The following PRKX variants were observed in gnomAD, a reference collection of about 807,000 sequenced individuals.
PRKX encodes protein kinase cAMP-dependent X-linked catalytic subunit.
A neutral mutation model predicts 22.0 loss-of-function variants in PRKX; 12 were observed. The observed-to-expected ratio is 0.54, with a 90% CI of 0.35 to 0.88. PRKX has a LOEUF of 0.88. Ranked by LOEUF, PRKX falls within the 40% of genes least tolerant of loss-of-function variation. PRKX has a pLI of 0.01. For missense variants in PRKX, 217 were observed against 308.0 expected, an observed-to-expected ratio of 0.70 and a Z score of 2.21; for synonymous variants, 134 against 137.7, an observed-to-expected ratio of 0.97 and a Z score of 0.19.
chrX:3,622,935 C>CCTTA (rs1375425591), intron 5 of PRKX, among the ~76,000 whole-genome samples: 3 of 111,999 alleles, frequency 2.7e-5, no homozygotes, highest in Non-Finnish European at 5.6e-5. Flanking sequence ...CTGCCTGCCC[C>CCTTA]CTTACCACAC....
chrX:3,689,597 T>C (rs1004735257), intron 1 of PRKX, among the ~76,000 whole-genome samples: 13 of 111,987 alleles, frequency 1.2e-4, no homozygotes, highest in African/African-American at 4.2e-4. Flanking sequence ...GGAGGATCAC[T>C]TGAGCCCAGG....
At chrX:3,609,158 G>GT (rs892083553) in intron 8 of PRKX, among the ~76,000 whole-genome samples, 1 of 110,758 alleles carries the variant, frequency 9.0e-6, no homozygotes, top group Admixed American at 9.6e-5. Flanking sequence ...AAGGTAAGGG[G>GT]TTTTTTTGGT....
chrX:3,648,804 C>A (rs1927250166), intron 3 of PRKX, among the ~76,000 whole-genome samples: 1 of 110,163 alleles, frequency 9.1e-6, no homozygotes. Flanking sequence ...TTGCACCTGG[C>A]ATGGTGGCTC....
At chrX:3,703,668 TG>T (rs1404435890) in intron 1 of PRKX, among the ~76,000 whole-genome samples, 1,522 of 88,022 alleles carry the variant, frequency 0.017, 35 homozygotes, top group African/African-American at 0.067. Flanking sequence ...TTTTTTTGGT[TG>T]TTTTTTTTTT....
intron 1 of PRKX, among the ~76,000 whole-genome samples, chrX:3,689,714 A>T (rs1304729785): frequency 3.6e-5 from 4 of 111,853 alleles, no homozygotes; most frequent in Non-Finnish European, 3.8e-5. Flanking sequence ...GCGGTGGCTC[A>T]CACCTGTAAT....
intron 3 of PRKX, among the ~76,000 whole-genome samples, chrX:3,647,412 T>A (rs1268280881): frequency 1.9e-5 from 2 of 105,859 alleles, no homozygotes; most frequent in African/African-American, 3.4e-5. Flanking sequence ...AATTATTTTT[T>A]AAATATAATT....
chrX:3,712,442 CAG>C (rs991112586), intron 1 of PRKX, among the ~76,000 whole-genome samples: 3 of 111,500 alleles, frequency 2.7e-5, no homozygotes, highest in African/African-American at 9.8e-5. Flanking sequence ...AGTTCAAAGA[CAG>C]AGGACAAAGG....
chrX:3,687,906 G>A (rs1409311050), intron 1 of PRKX, among the ~76,000 whole-genome samples: 1 of 111,837 alleles, frequency 8.9e-6, no homozygotes, highest in Non-Finnish European at 1.9e-5. Context: ...TGGCTACATG[G>A]AAAATACACT....
intron 1 of PRKX, among the ~76,000 whole-genome samples, chrX:3,686,670 G>A (rs1255932379): frequency 9.1e-6 from 1 of 109,338 alleles, no homozygotes; most frequent in Non-Finnish European, 1.9e-5. Context: ...CGATTTTTCT[G>A]CCTCAGCCTC....
At position 3,702,940 on chromosome X, in the gene PRKX, C is replaced by T. The variant is rs568185041; in HGVS notation, c.166+10148G>A. On this transcript the variant is annotated intron_variant, in intron 1 of 8. Transcript: ENST00000262848. The stretch of plus-strand genomic sequence containing the variant: ...CAAACGTCTGGACTCAAGTGATCCT[C>T]TCACCCTGGCCTTCCAAAGTGCTGG... 2.2e-4 allele frequency among the ~76,000 whole-genome samples: 24 copies of T among 110,654 alleles called. No individual in the cohort carries two copies. In the South Asian group the frequency reaches 8.7e-3, roughly 40 times the overall value.
At chrX:3,651,595 C>T (rs997635341) in intron 3 of PRKX, among the ~76,000 whole-genome samples, 3 of 111,435 alleles carry the variant, frequency 2.7e-5, no homozygotes, top group Non-Finnish European at 3.8e-5. Flanking sequence ...TGAATGTAAA[C>T]GCATCATAAA....
At chrX:3,609,396 G>A (rs780370192) in intron 8 of PRKX, among the ~76,000 whole-genome samples, 3 of 111,592 alleles carry the variant, frequency 2.7e-5, no homozygotes, top group Non-Finnish European at 5.7e-5. Flanking sequence ...CCTGACCTCA[G>A]ATGATCCATG....
intron 8 of PRKX, among the ~76,000 whole-genome samples, chrX:3,610,092 G>A (rs1166225059): frequency 1.8e-5 from 2 of 112,053 alleles, no homozygotes; most frequent in Admixed American, 1.9e-4. Context: ...ATATCTTCCT[G>A]CATAAAATTC....
intron 1 of PRKX, among the ~76,000 whole-genome samples, chrX:3,707,520 C>T (rs73440592): frequency 0.062 from 6,888 of 111,218 alleles, 440 homozygotes; most frequent in African/African-American, 0.2. Flanking sequence ...GTGCCAGCAG[C>T]GGAGGCAGGC....
intron 3 of PRKX, among the ~76,000 whole-genome samples, chrX:3,653,350 G>A (rs755616605): frequency 3.4e-4 from 37 of 109,924 alleles, no homozygotes; most frequent in African/African-American, 5.0e-4. Context: ...CCTCGATCTC[G>A]GACTTCCAGC....
chrX:3,672,231 G>A (rs1190978835), intron 2 of PRKX, among the ~76,000 whole-genome samples: 11 of 108,819 alleles, frequency 1.0e-4, no homozygotes, highest in Non-Finnish European at 2.1e-4. Flanking sequence ...TTATATAAAA[G>A]ATAAAAATAA....
At chrX:3,610,880 C>T (rs754093929) in intron 8 of PRKX, 1 of 111,173 alleles carries the variant, frequency 9.0e-6, no homozygotes, top group Non-Finnish European at 1.9e-5. Context: ...ATGTTATGGG[C>T]GAGTCAGCTA....
chrX:3,669,842 C>T (rs1464406269), intron 2 of PRKX, among the ~76,000 whole-genome samples: 1 of 112,123 alleles, frequency 8.9e-6, no homozygotes, highest in Non-Finnish European at 1.9e-5. Context: ...CATATACCTA[C>T]CTATCGTATC....
At chrX:3,612,393 C>A in intron 7 of PRKX, 68 bp from the exon 8 acceptor site, 1 of 1,066,872 alleles carries the variant, frequency 9.4e-7, no homozygotes, top group Non-Finnish European at 1.2e-6. Flanking sequence ...GCTGCACACA[C>A]CGCTTTATTT....
Sources: allele counts gnomAD v4.1 joint callset (sites outside exome capture counted in the v4.1 genomes callset), GRCh38; gene constraint gnomAD v4.1.1; transcripts MANE v1.5; gene names NCBI Gene and HGNC (gene_info 2026-07-23, HGNC 2026-07-21).